The following HGD variants were observed in gnomAD, a reference collection of about 807,000 sequenced individuals.
HGD encodes the protein homogentisate oxidase.
HGD carries 61 observed loss-of-function variants against 60.8 expected under a neutral mutation model. The ratio of observed to expected loss-of-function variants is 1.00; its 90% CI spans 0.82 to 1.24. The LOEUF (loss-of-function observed/expected upper bound fraction) is 1.24, where lower values mean the gene tolerates loss of function less well. HGD is among the 50% of genes most tolerant of loss of function. The pLI, the probability that HGD is intolerant of heterozygous loss-of-function variation, is 0.00. For missense variants in HGD, 542 were observed against 547.1 expected, an observed-to-expected ratio of 0.99 and a Z score of 0.09; for synonymous variants, 212 against 187.7, an observed-to-expected ratio of 1.13 and a Z score of -1.06.
chr3:120,676,839 A>G (rs1708140265), intron 1 of HGD, among the ~76,000 whole-genome samples: 1 of 152,198 alleles, frequency 6.6e-6, no homozygotes, highest in Non-Finnish European at 1.5e-5. Flanking sequence ...GGTGAAGGGT[A>G]GGCCCTCCAG....
chr3:120,637,327 G>C (rs1198384223), intron 12 of HGD, among the ~76,000 whole-genome samples: 2 of 144,246 alleles, frequency 1.4e-5, no homozygotes, highest in Non-Finnish European at 3.0e-5. Flanking sequence ...AAAAAAAAGC[G>C]GGGGGGACAA....
intron 1 of HGD, among the ~76,000 whole-genome samples, chr3:120,680,906 A>G (rs1708219246): frequency 6.6e-6 from 1 of 152,138 alleles, no homozygotes; most frequent in African/African-American, 2.4e-5. Flanking sequence ...AGGCTCCTTT[A>G]GGAAATTTTT....
chr3:120,669,457 A>G (rs1450651864), intron 4 of HGD, among the ~76,000 whole-genome samples: 4 of 150,812 alleles, frequency 2.7e-5, no homozygotes, highest in African/African-American at 9.7e-5. Flanking sequence ...GCACACACAC[A>G]CACACACACA....
Position 120,633,345 on chromosome 3 carries a change from A to G in HGD, c.1007-17T>C, listed in dbSNP as rs747407858. On this transcript the variant is annotated splice_polypyrimidine_tract_variant and intron_variant, in intron 12 of 13. Coordinates refer to ENST00000283871, the MANE Select transcript of HGD (RefSeq NM_000187.4). ...TGCAGTTCCCTGGGAAGGTTGAAGC[A>G]GTATTATTTTTATTATCCAAGGCAA... 6.2e-7 allele frequency: 1 copy of G among 1,614,062 alleles called. No homozygotes were observed. Among genetic ancestry groups the G allele is most frequent in the Non-Finnish European group, 8.5e-7 (1 of 1,180,022 alleles).
chr3:120,635,637 A>G (rs1042454347), intron 12 of HGD, among the ~76,000 whole-genome samples: 1 of 152,184 alleles, frequency 6.6e-6, no homozygotes, highest in Non-Finnish European at 1.5e-5. Context: ...TATTTTTAAT[A>G]TCTCTGGAAA....
In HGD at chr3:120,675,879, A is replaced by C. The variant is rs749082710; in HGVS notation, c.16-16T>G. On this transcript the variant is annotated splice_polypyrimidine_tract_variant and intron_variant, in intron 1 of 13. Coordinates refer to ENST00000283871, the MANE Select transcript of HGD (RefSeq NM_000187.4). ...CAGAAATGTACTGTAGGTGACAAAG[A>C]CACAAATGCCACCATTAGCAGGATT... The C allele has an allele frequency of 1.4e-5, 22 of 1,598,758 alleles. 1 individual carries two copies. The South Asian group carries it at 2.4e-4, about 18-fold the overall frequency.
At chr3:120,681,789 C>T (rs1708235009) in intron 1 of HGD, among the ~76,000 whole-genome samples, 1 of 152,184 alleles carries the variant, frequency 6.6e-6, no homozygotes, top group Admixed American at 6.5e-5. Flanking sequence ...GGGAAAAAGA[C>T]ATAGAGAGAA....
chr3:120,628,872 C>T (rs1940498666), intron 13 of HGD, among the ~76,000 whole-genome samples: 2 of 152,186 alleles, frequency 1.3e-5, no homozygotes, highest in African/African-American at 4.8e-5. Flanking sequence ...CTGGGAATAT[C>T]CATCTTCTGA....
Position 120,675,777 on chromosome 3 carries a change from T to C in HGD, c.87+15A>G. On this transcript the variant is annotated intron_variant, in intron 2 of 13. Transcript: ENST00000283871. Reference sequence around the variant, plus strand: ...TAGGATTCAGAGCTCTTCTAAGCACTTTATTTGCTCATACCTGTCCTTCTG... The same window carrying C: ...TAGGATTCAGAGCTCTTCTAAGCACCTTATTTGCTCATACCTGTCCTTCTG... 6.2e-7 allele frequency: 1 copy of C among 1,607,186 alleles called. No homozygotes were observed. The highest frequency in any genetic ancestry group is 8.5e-7 in the Non-Finnish European group (1 of 1,173,828).
chr3:120,675,655 C>T (rs1708113306), intron 2 of HGD, 137 bp downstream of exon 2: 1 of 719,548 alleles, frequency 1.4e-6, no homozygotes, highest in Admixed American at 1.9e-5. Flanking sequence ...TCTTCATTGC[C>T]CCTATGACTT....
Position 120,644,304 on chromosome 3 carries a change from A to G in HGD, c.774+15T>C. The G allele has an allele frequency of 6.2e-7, 1 of 1,613,776 alleles. No individual in the cohort carries two copies. Among genetic ancestry groups the G allele is most frequent in the Non-Finnish European group, 8.5e-7 (1 of 1,179,962 alleles). ...TCTTCATTTCCTCCCTTGCCTGCCA[A>G]CCCTTTTACTTTACCTGTTTGGCAG... On this transcript the variant is annotated intron_variant, in intron 10 of 13. Transcript: ENST00000283871.
chr3:120,661,378 T>C (rs1707763370), intron 4 of HGD, among the ~76,000 whole-genome samples: 1 of 152,232 alleles, frequency 6.6e-6, no homozygotes, highest in South Asian at 2.1e-4. Flanking sequence ...AATCCCCTTA[T>C]ATTAATTATT....
Position 120,675,122 on chromosome 3 carries a change from T to C in HGD, c.88-133A>G, listed in dbSNP as rs1364432246. On this transcript the variant is annotated intron_variant, in intron 2 of 13. Coordinates refer to ENST00000283871, the MANE Select transcript of HGD (RefSeq NM_000187.4). ...GACCATCTGCAACCCGATATGTTTC[T>C]TGTAACAACTTTTGATGTGACTTGC... The C allele has an allele frequency of 5.9e-6, 4 of 678,828 alleles. No individual in the cohort carries two copies. The East Asian group carries it at 1.1e-4, about 19-fold the overall frequency. 42.1% of individuals were successfully genotyped at this position (678,828 alleles called of 1,614,324 possible). A position where few individuals can be genotyped will look rare whatever the true frequency, so the allele number is the denominator to read the frequency against.
At chr3:120,650,738 G>T (rs762629587) in intron 6 of HGD, 36 bp downstream of exon 6, 41 of 1,493,072 alleles carry the variant, frequency 2.7e-5, no homozygotes, top group Non-Finnish European at 3.6e-5. Flanking sequence ...TCCCTTAGAA[G>T]ATGGGCATGT....
At chr3:120,648,267 A>T (rs1308422490) in intron 6 of HGD, among the ~76,000 whole-genome samples, 1 of 152,216 alleles carries the variant, frequency 6.6e-6, no homozygotes, top group Non-Finnish European at 1.5e-5. Context: ...GAGGGTTTGG[A>T]GAAAGGAAAG....
chr3:120,645,117 C>T (rs1576294721), intron 9 of HGD, among the ~76,000 whole-genome samples: 1 of 152,218 alleles, frequency 6.6e-6, no homozygotes, highest in Non-Finnish European at 1.5e-5. Context: ...TCATTTCCAG[C>T]TCCTGGACTT....
Position 120,628,195 on chromosome 3 carries a change from T to C in HGD, c.*185A>G, listed in dbSNP as rs1378349745. On this transcript the variant is annotated 3_prime_UTR_variant, in exon 14 of 14. Coordinates refer to ENST00000283871, the MANE Select transcript of HGD (RefSeq NM_000187.4). ...CGTCCACAGAACACCAGCAAGTTTATTGAGTAATTAAGGTGACAGCCATAG... is the reference window on the plus strand; with the variant it reads ...CGTCCACAGAACACCAGCAAGTTTACTGAGTAATTAAGGTGACAGCCATAG... 1 of 644,814 alleles carries C rather than the reference T, an allele frequency of 1.6e-6. No homozygotes were observed. Among genetic ancestry groups the C allele is most frequent in the Admixed American group, 2.5e-5 (1 of 39,538 alleles). The allele number at this position is 644,814 out of a possible 1,614,324, so 39.9% of individuals were successfully genotyped here.
At position 120,682,156 on chromosome 3, in the gene HGD, A is replaced by G; in HGVS notation, c.-45T>C. 1 of 1,600,514 alleles carries G rather than the reference A, an allele frequency of 6.2e-7. No homozygotes were observed. Among genetic ancestry groups the G allele is most frequent in the Non-Finnish European group, 8.6e-7 (1 of 1,167,722 alleles). On this transcript the variant is annotated 5_prime_UTR_variant, in exon 1 of 14. Transcript: ENST00000283871. ...TGGTGACTTCAGGAAACCCAGGCCCAGAGGATATAAAGCCACAATGCTTCT... is the reference window on the plus strand; with the variant it reads ...TGGTGACTTCAGGAAACCCAGGCCCGGAGGATATAAAGCCACAATGCTTCT...
intron 7 of HGD, among the ~76,000 whole-genome samples, chr3:120,647,398 G>A (rs1011916272): frequency 2.0e-5 from 3 of 152,126 alleles, no homozygotes; most frequent in Non-Finnish European, 2.9e-5. Flanking sequence ...ACATATACAC[G>A]AAAATGTTGA....
Sources: gnomAD v4.1 joint callset for allele counts (sites outside exome capture counted in the v4.1 genomes callset) on GRCh38, gnomAD v4.1.1 for gene constraint, MANE v1.5 for transcripts, NCBI Gene and HGNC (gene_info 2026-07-23, HGNC 2026-07-21) for gene names.